Variants in LRRC7 observed in about 807,000 individuals in gnomAD.
LRRC7 encodes the protein leucine-rich repeat-containing protein 7.
Under a neutral mutation model 175.7 loss-of-function variants are expected in LRRC7, and 23 were observed. The ratio of observed to expected loss-of-function variants is 0.13; its 90% confidence interval spans 0.09 to 0.19. LRRC7 has a LOEUF of 0.19. Ranked by LOEUF, LRRC7 falls within the 10% of genes least tolerant of loss-of-function variation. LRRC7 has a pLI of 1.00. For synonymous variants in LRRC7, 685 were observed against 680.9 expected (o/e 1.01, Z -0.09); for missense variants, 1,354 against 1,904.7 (o/e 0.71, Z 5.38).
At chr1:70,072,259 T>C (rs2102118449) in intron 23 of LRRC7, among the ~76,000 whole-genome samples, 1 of 152,330 alleles carries the variant, frequency 6.6e-6, no homozygotes, top group Non-Finnish European at 1.5e-5. Context: ...GAAACCTTCA[T>C]GTTCAAATTC....
chr1:69,849,245 T>A (rs1682709875), intron 7 of LRRC7, among the ~76,000 whole-genome samples: 1 of 152,008 alleles, frequency 6.6e-6, no homozygotes, highest in South Asian at 2.1e-4. Flanking sequence ...TGAGATAGAA[T>A]ATCTTACACT....
chr1:69,851,923 T>C (rs983515721), intron 7 of LRRC7, among the ~76,000 whole-genome samples: 3 of 152,068 alleles, frequency 2.0e-5, no homozygotes, highest in African/African-American at 7.2e-5. Flanking sequence ...CAAGGAAACA[T>C]AGGTTGTTTA....
chr1:69,882,599 A>C (rs1451297215), intron 7 of LRRC7, among the ~76,000 whole-genome samples: 1 of 151,844 alleles, frequency 6.6e-6, no homozygotes, highest in South Asian at 2.1e-4. Flanking sequence ...ATGAAACTAG[A>C]GGACATTTTT....
At chr1:69,876,619 C>T (rs187696773) in intron 7 of LRRC7, among the ~76,000 whole-genome samples, 24 of 152,266 alleles carry the variant, frequency 1.6e-4, no homozygotes, top group African/African-American at 4.1e-4. Context: ...CCCTCACACA[C>T]GTACAACTTG....
At chr1:69,713,972 C>G (rs1403948704) in intron 2 of LRRC7, among the ~76,000 whole-genome samples, 1 of 152,022 alleles carries the variant, frequency 6.6e-6, no homozygotes, top group Non-Finnish European at 1.5e-5. Flanking sequence ...TATTCTGTCT[C>G]TTATTAATCC....
chr1:70,038,352 A>G lies in LRRC7; in HGVS notation c.2528A>G (p.His843Arg). ...LSSKSRSTSSHGRRPLIRQDR... is the reference protein window; with the variant it reads ...LSSKSRSTSSRGRRPLIRQDR... The stretch of plus-strand genomic sequence containing the variant: ...TCGAAATCTAGAAGCACATCTTCGC[A>G]TGGACGCAGGCCTTTGATCAGGCAA... The change falls in exon 21 of 27, where the codon CAT becomes CGT. Residue 843 changes from histidine to arginine, a missense_variant. Physicochemically the swap from His to Arg is conservative, Grantham distance 29. Transcript: ENST00000651989. 1 of 1,614,152 alleles carries G rather than the reference A, an allele frequency of 6.2e-7. No homozygotes were observed. Among genetic ancestry groups the G allele is most frequent in the Non-Finnish European group, 8.5e-7 (1 of 1,180,010 alleles).
intron 7 of LRRC7, among the ~76,000 whole-genome samples, chr1:69,922,946 T>C (rs1307273624): frequency 1.3e-5 from 2 of 152,184 alleles, no homozygotes; most frequent in East Asian, 3.9e-4. Context: ...TACCTCCTAA[T>C]GCTATCCCTA....
chr1:69,951,024 G>T (rs1190471834), intron 8 of LRRC7, among the ~76,000 whole-genome samples: 1 of 150,374 alleles, frequency 6.7e-6, no homozygotes, highest in African/African-American at 2.4e-5. Flanking sequence ...GAGAATGGGA[G>T]AAATATTTTC....
intron 2 of LRRC7, among the ~76,000 whole-genome samples, chr1:69,719,971 T>G (rs914595152): frequency 1.7e-4 from 26 of 151,660 alleles, no homozygotes; most frequent in African/African-American, 6.0e-4. Context: ...TGGCTTTTCT[T>G]TGTGCACCCT....
intron 2 of LRRC7, among the ~76,000 whole-genome samples, chr1:69,714,593 T>C (rs961588263): frequency 6.6e-6 from 1 of 151,980 alleles, no homozygotes. Flanking sequence ...CAGGCAGAAA[T>C]CAGTAGAAGG....
intron 7 of LRRC7, among the ~76,000 whole-genome samples, chr1:69,843,510 A>G (rs139024465): frequency 2.0e-5 from 3 of 152,296 alleles, no homozygotes; most frequent in Admixed American, 6.5e-5. Flanking sequence ...CTACTAAACT[A>G]TATATGCTAG....
Position 69,677,905 on chromosome 1 carries a change from A to T in LRRC7, c.3-476A>T, listed in dbSNP as rs114299814. On this transcript the variant is annotated intron_variant, in intron 1 of 26. Transcript: ENST00000651989. ...CAGGCCTTCACTGTGGCTTGAAGAC[A>T]GCTTCCTCCGTGTGTCCCCACATGG... Among the ~76,000 whole-genome samples, 650 of 152,162 alleles carry T rather than the reference A, an allele frequency of 4.3e-3. 8 individuals carry two copies. Among genetic ancestry groups the T allele is most frequent in the African/African-American group, 0.015 (631 of 41,544 alleles).
At chr1:69,893,402 G>A (rs898963924) in intron 7 of LRRC7, among the ~76,000 whole-genome samples, 2 of 152,108 alleles carry the variant, frequency 1.3e-5, no homozygotes, top group African/African-American at 2.4e-5. Flanking sequence ...CATTAACCTC[G>A]TAAGAGGAGC....
At chr1:69,597,852 A>G (rs1178754311) in intron 1 of LRRC7, among the ~76,000 whole-genome samples, 1 of 152,198 alleles carries the variant, frequency 6.6e-6, no homozygotes, top group Non-Finnish European at 1.5e-5. Context: ...ATGCAGCAAT[A>G]TGATAATTTT....
At chr1:70,056,341 G>A (rs1245468497) in intron 23 of LRRC7, among the ~76,000 whole-genome samples, 5 of 152,104 alleles carry the variant, frequency 3.3e-5, no homozygotes, top group East Asian at 3.9e-4. Context: ...TCAATACAGC[G>A]ATTTTACTGC....
intron 23 of LRRC7, among the ~76,000 whole-genome samples, chr1:70,075,619 T>C (rs1475346039): frequency 2.0e-5 from 3 of 152,216 alleles, no homozygotes; most frequent in Non-Finnish European, 4.4e-5. Context: ...TGATAAATAT[T>C]GGTTTTACTC....
chr1:69,943,259 G>A (rs1395465604), intron 8 of LRRC7, among the ~76,000 whole-genome samples: 3 of 152,076 alleles, frequency 2.0e-5, no homozygotes, highest in African/African-American at 7.2e-5. Flanking sequence ...CAATGGAATA[G>A]TATTCAGCAA....
chr1:70,037,475 A>G (rs4650016), intron 20 of LRRC7, among the ~76,000 whole-genome samples: 33,805 of 152,134 alleles, frequency 0.22, 3,825 homozygotes, highest in African/African-American at 0.24. Context: ...AAGTCATAAT[A>G]TAATTTACAT....
intron 2 of LRRC7, among the ~76,000 whole-genome samples, chr1:69,737,734 T>G (rs1024710595): frequency 6.6e-6 from 1 of 152,120 alleles, no homozygotes; most frequent in Non-Finnish European, 1.5e-5. Flanking sequence ...CTTGCAAACC[T>G]GTCCAAGTGC....
Sources: gnomAD v4.1 joint callset for allele counts (sites outside exome capture counted in the v4.1 genomes callset) on GRCh38, gnomAD v4.1.1 for gene constraint, MANE v1.5 for transcripts, NCBI Gene and HGNC (gene_info 2026-07-23, HGNC 2026-07-21) for gene names.